CARMIL1: variants seen among roughly 807,000 people sequenced by gnomAD.
The protein encoded by CARMIL1 is F-actin-uncapping protein LRRC16A.
In CARMIL1, 90 loss-of-function variants were observed where a neutral mutation model predicts 177.1. The ratio of observed to expected loss-of-function variants is 0.51; its 90% CI spans 0.43 to 0.61. The LOEUF (loss-of-function observed/expected upper bound fraction) is 0.61, where lower values mean the gene tolerates loss of function less well. CARMIL1 is among the 20% of genes least tolerant of loss of function. The pLI is 0.00. For missense variants in CARMIL1, 1,380 were observed against 1,667.0 expected (o/e 0.83, Z 3.00); for synonymous variants, 577 against 606.2 (o/e 0.95, Z 0.71).
chr6:25,378,700 G>A (rs934558295), intron 2 of CARMIL1, among the ~76,000 whole-genome samples: 6 of 152,054 alleles, frequency 3.9e-5, no homozygotes, highest in African/African-American at 1.2e-4. Flanking sequence ...CCCAGTAGGA[G>A]TGCATATCCT....
In CARMIL1 at chr6:25,314,332, G is replaced by T. The variant is rs186385161; in HGVS notation, c.138+29423G>T. 1.7e-4 allele frequency among the ~76,000 whole-genome samples: 25 copies of T among 146,888 alleles called. 1 individual carries two copies. Among genetic ancestry groups the T allele is most frequent in the Admixed American group, 1.3e-3 (20 of 14,938 alleles). ...TACTAAAAATACAAAAATTAGCTGG[G>T]TGTGGTGGCACGTGCCTGTAGTCCC... is the stretch of plus-strand genomic sequence containing the variant. On this transcript the variant is annotated intron_variant, in intron 2 of 36. Coordinates refer to ENST00000329474, the MANE Select transcript of CARMIL1 (RefSeq NM_017640.6).
At chr6:25,527,813 G>A (rs1034125034) in intron 23 of CARMIL1, 1 of 275,236 alleles carries the variant, frequency 3.6e-6, no homozygotes, top group Non-Finnish European at 7.1e-6. Context: ...TTAAGTAATA[G>A]TCATTTTAGC....
At chr6:25,417,997 A>G (rs1452775071) in intron 2 of CARMIL1, among the ~76,000 whole-genome samples, 2 of 150,298 alleles carry the variant, frequency 1.3e-5, no homozygotes, top group East Asian at 2.0e-4. Context: ...TGCACAGGAC[A>G]CATCCACCAG....
chr6:25,441,323 A>ATG (rs1254414438), intron 5 of CARMIL1, among the ~76,000 whole-genome samples: 5 of 51,680 alleles, frequency 9.7e-5, no homozygotes. Flanking sequence ...AAACAAACAT[A>ATG]TATATATATA....
At chr6:25,583,030 TCC>T (rs2151257669) in intron 31 of CARMIL1, among the ~76,000 whole-genome samples, 1 of 152,226 alleles carries the variant, frequency 6.6e-6, no homozygotes, top group South Asian at 2.1e-4. Context: ...ATTCTCATCT[TCC>T]CCTTGCCTTT....
chr6:25,574,697 C>T (rs930234168), intron 29 of CARMIL1, among the ~76,000 whole-genome samples: 5 of 152,148 alleles, frequency 3.3e-5, no homozygotes, highest in Non-Finnish European at 7.3e-5. Context: ...CATCGTACCA[C>T]GTGTATCTTT....
chr6:25,318,373 A>G (rs916764088), intron 2 of CARMIL1, among the ~76,000 whole-genome samples: 2 of 152,276 alleles, frequency 1.3e-5, no homozygotes, highest in African/African-American at 2.4e-5. Context: ...AGGGACGAAT[A>G]TATGTGACCC....
At chr6:25,358,028 C>G (rs978310919) in intron 2 of CARMIL1, among the ~76,000 whole-genome samples, 2 of 152,030 alleles carry the variant, frequency 1.3e-5, no homozygotes, top group African/African-American at 4.8e-5. Flanking sequence ...TGGTTTTGTC[C>G]GTATAAGGAG....
At chr6:25,294,759 C>T (rs1267770338) in intron 2 of CARMIL1, among the ~76,000 whole-genome samples, 1 of 152,234 alleles carries the variant, frequency 6.6e-6, no homozygotes, top group African/African-American at 2.4e-5. Context: ...TGTTTTCAGA[C>T]TTATCACTAT....
At chr6:25,354,255 A>G (rs1788361181) in intron 2 of CARMIL1, among the ~76,000 whole-genome samples, 1 of 150,464 alleles carries the variant, frequency 6.6e-6, no homozygotes, top group South Asian at 2.1e-4. Context: ...CAGTTCCTGG[A>G]CTCAAGTGAT....
chr6:25,482,840 T>C (rs1173518522), intron 12 of CARMIL1, among the ~76,000 whole-genome samples: 1 of 146,288 alleles, frequency 6.8e-6, no homozygotes, highest in African/African-American at 2.5e-5. Context: ...CTTCATTTTT[T>C]CCATCAAATC....
chr6:25,314,549 T>C (rs10946761), intron 2 of CARMIL1, among the ~76,000 whole-genome samples: 106 of 149,806 alleles, frequency 7.1e-4, no homozygotes, highest in African/African-American at 2.3e-3. Context: ...TACATACACA[T>C]ACATATATAT....
Position 25,450,946 on chromosome 6 carries a change from C to CCTCTCCTCTCCTCTT in CARMIL1, c.614+249_614+250insTCTCTCCTCTCCTCT, listed in dbSNP as rs1798814181. On this transcript the variant is annotated intron_variant, in intron 8 of 36. Coordinates refer to ENST00000329474, the MANE Select transcript of CARMIL1 (RefSeq NM_017640.6). ...CCTCTCCTCTCCTCTCCTCTCCTCT[C>CCTCTCCTCTCCTCTT]CTCTCCTCTCCTCTCCTCTCTTCTC... 3.3e-4 allele frequency among the ~76,000 whole-genome samples: 5 copies of CCTCTCCTCTCCTCTT among 15,364 alleles called. 1 individual carries two copies. Among genetic ancestry groups the CCTCTCCTCTCCTCTT allele is most frequent in the Non-Finnish European group, 4.1e-4 (3 of 7,268 alleles). 10.1% of individuals were successfully genotyped at this position (15,364 alleles called of 152,430 possible). A position where few individuals can be genotyped will look rare whatever the true frequency, so the allele number is the denominator to read the frequency against.
intron 2 of CARMIL1, among the ~76,000 whole-genome samples, chr6:25,306,984 T>A (rs1783326687): frequency 6.6e-6 from 1 of 151,398 alleles, no homozygotes; most frequent in African/African-American, 2.4e-5. Flanking sequence ...GTTCAAGTGA[T>A]TCTCCTGCCT....
At chr6:25,393,982 G>A (rs1424931716) in intron 2 of CARMIL1, among the ~76,000 whole-genome samples, 1 of 152,036 alleles carries the variant, frequency 6.6e-6, no homozygotes, top group African/African-American at 2.4e-5. Flanking sequence ...ACCTATTTCT[G>A]CCTTATGTGA....
chr6:25,532,731 A>G (rs1196400164), intron 24 of CARMIL1, among the ~76,000 whole-genome samples: 1 of 152,130 alleles, frequency 6.6e-6, no homozygotes, highest in Non-Finnish European at 1.5e-5. Context: ...TTTTTATAAG[A>G]CTCAACATTC....
chr6:25,547,547 C>A (rs1237287170), intron 26 of CARMIL1, among the ~76,000 whole-genome samples: 1 of 152,086 alleles, frequency 6.6e-6, no homozygotes, highest in African/African-American at 2.4e-5. Context: ...TGGACTATAC[C>A]CGTACTTAGT....
intron 4 of CARMIL1, chr6:25,433,073 T>C (rs1017041690): frequency 6.6e-6 from 1 of 152,176 alleles, no homozygotes; most frequent in Admixed American, 6.5e-5. Context: ...TGTGTTGGTT[T>C]CACCTCCATC....
chr6:25,362,311 A>G (rs921606267), intron 2 of CARMIL1, among the ~76,000 whole-genome samples: 1 of 152,252 alleles, frequency 6.6e-6, no homozygotes, highest in East Asian at 1.9e-4. Context: ...TACAGTTGTC[A>G]TCCTGGAATC....
Sources: allele counts gnomAD v4.1 joint callset (sites outside exome capture counted in the v4.1 genomes callset), GRCh38; gene constraint gnomAD v4.1.1; transcripts MANE v1.5; gene names NCBI Gene and HGNC (gene_info 2026-07-23, HGNC 2026-07-21).